Variants in MAPK10 observed in about 807,000 individuals in gnomAD.
MAPK10 encodes the protein mitogen-activated protein kinase 10.
A neutral mutation model predicts 59.3 loss-of-function variants in MAPK10; 25 were observed. The observed-to-expected ratio is 0.42, with a 90% CI of 0.31 to 0.59. MAPK10 has a LOEUF of 0.59. Ranked by LOEUF, MAPK10 falls within the 20% of genes least tolerant of loss-of-function variation. MAPK10 has a pLI of 0.15. For missense variants in MAPK10, 351 were observed against 568.9 expected (o/e 0.62, Z 3.90); for synonymous variants, 190 against 200.5 (o/e 0.95, Z 0.44).
At chr4:86,264,851 A>G (rs534925554) in intron 2 of MAPK10, among the ~76,000 whole-genome samples, 1 of 145,188 alleles carries the variant, frequency 6.9e-6, no homozygotes, top group African/African-American at 2.5e-5. Context: ...TTTCTGCTAA[A>G]TTATGTCCCC....
At chr4:86,278,492 T>C (rs1380561247) in intron 2 of MAPK10, among the ~76,000 whole-genome samples, 2 of 152,122 alleles carry the variant, frequency 1.3e-5, no homozygotes, top group African/African-American at 4.8e-5. Context: ...TTATGTCTAG[T>C]TCAGGGATCT....
Position 86,560,568 on chromosome 4 carries a change from A to G in MAPK10, c.-263+33342T>C, listed in dbSNP as rs76696140. Among the ~76,000 whole-genome samples the G allele has an allele frequency of 6.9e-4, 105 of 152,332 alleles. No homozygotes were observed. The East Asian group carries it at 0.016, about 24-fold the overall frequency. ...CTGCTGGTTCTATCTGAAAGCGTGAAACCAGGTCAATTTCGCCACTGGGGC... is the reference window on the plus strand; with the variant it reads ...CTGCTGGTTCTATCTGAAAGCGTGAGACCAGGTCAATTTCGCCACTGGGGC... On this transcript the variant is annotated intron_variant, in intron 1 of 4. Transcript: ENST00000502302.
At chr4:86,422,778 G>A (rs1746705632) in intron 1 of MAPK10, among the ~76,000 whole-genome samples, 1 of 152,136 alleles carries the variant, frequency 6.6e-6, no homozygotes, top group Non-Finnish European at 1.5e-5. Flanking sequence ...GAGGGTATGT[G>A]GAACTCAACT....
At chr4:86,070,542 TC>T (rs1454290877) in intron 9 of MAPK10, among the ~76,000 whole-genome samples, 1 of 85,094 alleles carries the variant, frequency 1.2e-5, no homozygotes, top group Non-Finnish European at 2.3e-5. Context: ...CCTTCCCCCC[TC>T]CCCCCACCCC....
At chr4:86,048,548 C>A (rs963367048) in intron 11 of MAPK10, among the ~76,000 whole-genome samples, 3 of 152,016 alleles carry the variant, frequency 2.0e-5, no homozygotes, top group African/African-American at 7.2e-5. Context: ...GCACTTTTGC[C>A]CTACAGTCAC....
At chr4:86,274,993 G>A (rs1216881947) in intron 2 of MAPK10, among the ~76,000 whole-genome samples, 1 of 151,894 alleles carries the variant, frequency 6.6e-6, no homozygotes, top group Admixed American at 6.6e-5. Context: ...ACATATACAA[G>A]CACACTTACT....
At chr4:86,056,989 G>A (rs1333802731) in intron 11 of MAPK10, among the ~76,000 whole-genome samples, 15 of 145,986 alleles carry the variant, frequency 1.0e-4, no homozygotes, top group Non-Finnish European at 1.4e-4. Flanking sequence ...TTTTTAAGAC[G>A]GTCTCACTCT....
At chr4:86,124,802 C>G (rs1039693820) in intron 4 of MAPK10, 2 of 151,878 alleles carry the variant, frequency 1.3e-5, no homozygotes, top group African/African-American at 4.8e-5. Flanking sequence ...GGTGTAATTT[C>G]TAATTTCCAA....
At chr4:86,239,916 C>A (rs976146164) in intron 2 of MAPK10, among the ~76,000 whole-genome samples, 5 of 151,806 alleles carry the variant, frequency 3.3e-5, no homozygotes, top group African/African-American at 1.2e-4. Flanking sequence ...TTGCTCTTGC[C>A]TCTCTAGCTC....
intron 2 of MAPK10, among the ~76,000 whole-genome samples, chr4:86,310,608 A>T (rs1205283350): frequency 3.3e-5 from 5 of 152,202 alleles, no homozygotes; most frequent in African/African-American, 1.2e-4. Context: ...TGAAAATACC[A>T]GTATAACATG....
intron 2 of MAPK10, among the ~76,000 whole-genome samples, chr4:86,347,474 T>C (rs1175416456): frequency 6.6e-6 from 1 of 152,146 alleles, no homozygotes; most frequent in African/African-American, 2.4e-5. Flanking sequence ...GACAGCCCCA[T>C]CTTCCTAAGA....
intron 1 of MAPK10, among the ~76,000 whole-genome samples, chr4:86,464,257 T>C (rs992334764): frequency 2.0e-4 from 31 of 152,234 alleles, no homozygotes; most frequent in African/African-American, 7.2e-4. Flanking sequence ...TTTAAACCAA[T>C]TGAAGGTGCT....
At chr4:86,444,732 A>C (rs1032634872) in intron 1 of MAPK10, among the ~76,000 whole-genome samples, 26 of 151,988 alleles carry the variant, frequency 1.7e-4, no homozygotes, top group African/African-American at 6.3e-4. Flanking sequence ...AAAAAAAAAA[A>C]CAACCCTATC....
At chr4:86,209,460 T>G (rs1273142164) in intron 2 of MAPK10, among the ~76,000 whole-genome samples, 1 of 152,024 alleles carries the variant, frequency 6.6e-6, no homozygotes, top group Non-Finnish European at 1.5e-5. Context: ...GCTCGCAATT[T>G]CTAGGCTAAT....
intron 1 of MAPK10, 28 bp from the exon 2 acceptor site, chr4:86,354,672 G>A: frequency 3.3e-6 from 3 of 914,514 alleles, no homozygotes; most frequent in Non-Finnish European, 4.3e-6. Flanking sequence ...AAACAGATGA[G>A]TTTGATTTTA....
intron 2 of MAPK10, among the ~76,000 whole-genome samples, chr4:86,269,094 G>T (rs537874185): frequency 2.2e-4 from 34 of 152,222 alleles, no homozygotes; most frequent in Admixed American, 2.2e-3. Flanking sequence ...GAGGCTATAT[G>T]AAGGTGAAAG....
chr4:86,159,590 AGTTC>A, intron 3 of MAPK10, 123 bp from the exon 4 acceptor site: 1 of 727,424 alleles, frequency 1.4e-6, no homozygotes, highest in Non-Finnish European at 2.2e-6. Flanking sequence ...TAGTTCATGA[AGTTC>A]ACATAGAAAA....
intron 4 of MAPK10, among the ~76,000 whole-genome samples, chr4:86,118,699 GTTC>G (rs1223584546): frequency 1.3e-5 from 2 of 151,586 alleles, no homozygotes; most frequent in Non-Finnish European, 2.9e-5. Flanking sequence ...TTACACAAAT[GTTC>G]TTCTTCCTAA....
At chr4:86,552,455 AGGAAGGAGGGAGGGAGGGAG>A (rs1320936311) in intron 1 of MAPK10, among the ~76,000 whole-genome samples, 8 of 69,866 alleles carry the variant, frequency 1.1e-4, no homozygotes, top group Non-Finnish European at 1.8e-4. Flanking sequence ...GAAGGAAGGA[AGGAAGGAGGGAGGGAGGGAG>A]GGAGGGAGGG....
Sources: gnomAD v4.1 joint callset for allele counts (sites outside exome capture counted in the v4.1 genomes callset) on GRCh38, gnomAD v4.1.1 for gene constraint, MANE v1.5 for transcripts, NCBI Gene and HGNC (gene_info 2026-07-23, HGNC 2026-07-21) for gene names.